KLHL6: variants seen among roughly 807,000 people sequenced by gnomAD.
The protein encoded by KLHL6 is kelch-like protein 6.
A neutral mutation model predicts 58.6 loss-of-function variants in KLHL6; 41 were observed. The ratio of observed to expected loss-of-function variants is 0.70; its 90% CI spans 0.55 to 0.91. The LOEUF (loss-of-function observed/expected upper bound fraction) is 0.91. KLHL6 is among the 40% of genes least tolerant of loss of function. KLHL6 has a pLI of 0.00. For synonymous variants in KLHL6, 338 were observed against 322.7 expected, an observed-to-expected ratio of 1.05 and a Z score of -0.51; for missense variants, 714 against 805.6, an observed-to-expected ratio of 0.89 and a Z score of 1.38.
chr3:183,535,964 T>C (rs1228714393), intron 1 of KLHL6, among the ~76,000 whole-genome samples: 1 of 152,154 alleles, frequency 6.6e-6, no homozygotes, highest in East Asian at 1.9e-4. Flanking sequence ...TTAGTAGAGA[T>C]GGGGTTTCAC....
chr3:183,506,829 AAAAT>A (rs144672351), intron 3 of KLHL6, among the ~76,000 whole-genome samples: 55,682 of 143,524 alleles, frequency 0.39, 10,954 homozygotes, highest in South Asian at 0.45. Flanking sequence ...CCTCCTCTCA[AAAAT>A]AAATAAATAA....
At chr3:183,522,674 A>G (rs1711807941) in intron 2 of KLHL6, 2 of 152,338 alleles carry the variant, frequency 1.3e-5, no homozygotes, top group South Asian at 4.1e-4. Context: ...TGAAGCAATT[A>G]TTAGTATTAG....
At chr3:183,504,248 C>T (rs1348257037) in intron 3 of KLHL6, among the ~76,000 whole-genome samples, 3 of 152,200 alleles carry the variant, frequency 2.0e-5, no homozygotes, top group African/African-American at 7.2e-5. Context: ...CCATTCATTA[C>T]TTAACTCTCA....
At position 183,527,899 on chromosome 3, in the gene KLHL6, C is replaced by G; in HGVS notation, c.405G>C (p.Ala135=). 1 of 1,614,078 alleles carries G rather than the reference C, an allele frequency of 6.2e-7. No individual in the cohort carries two copies. Among genetic ancestry groups the G allele is most frequent in the Non-Finnish European group, 8.5e-7 (1 of 1,180,012 alleles). Residue 135 remains alanine (A), a synonymous_variant, in exon 2 of 7, where the codon GCG becomes GCC. Coordinates refer to ENST00000341319, the MANE Select transcript of KLHL6 (RefSeq NM_130446.4). The part of the protein sequence containing the change: ...TLLDYTYTSK[A]LITKQNVQRV... ...GCTGGACATTCTGCTTGGTGATCAGCGCCTTGCTGGTGTACGTGTAGTCCA... is the reference window on the plus strand; with the variant it reads ...GCTGGACATTCTGCTTGGTGATCAGGGCCTTGCTGGTGTACGTGTAGTCCA...
chr3:183,505,678 T>C (rs1485836891), intron 3 of KLHL6, among the ~76,000 whole-genome samples: 1 of 149,494 alleles, frequency 6.7e-6, no homozygotes, highest in Non-Finnish European at 1.5e-5. Context: ...CAGACACAAA[T>C]TACCAATATC....
intron 1 of KLHL6, among the ~76,000 whole-genome samples, chr3:183,547,208 C>G (rs1414725459): frequency 6.6e-6 from 1 of 152,142 alleles, no homozygotes; most frequent in African/African-American, 2.4e-5. Context: ...CCACTGCACC[C>G]GACCTCAGAG....
intron 1 of KLHL6, among the ~76,000 whole-genome samples, chr3:183,530,120 G>T (rs771173305): frequency 3.9e-5 from 6 of 152,106 alleles, no homozygotes; most frequent in Non-Finnish European, 7.4e-5. Flanking sequence ...ATGGTGTTTT[G>T]TTATGGCAAC....
At chr3:183,536,001 C>G (rs1466494162) in intron 1 of KLHL6, among the ~76,000 whole-genome samples, 1 of 152,212 alleles carries the variant, frequency 6.6e-6, no homozygotes, top group Admixed American at 6.5e-5. Context: ...GTCTCGATCT[C>G]CTGACCTCAT....
rs59579259 is a variant in KLHL6, at chr3:183,531,443, G to GTTT, written c.294-3436_294-3434dup. On this transcript the variant is annotated intron_variant, in intron 1 of 6. Transcript: ENST00000341319. Reference sequence around the variant, plus strand: ...TTCTTTCTGTTCTTTTTTTGTCTGTGTTTTTTTTTTTTTTTTTTTTTTTTG... The same window carrying GTTT: ...TTCTTTCTGTTCTTTTTTTGTCTGTGTTTTTTTTTTTTTTTTTTTTTTTTTTTG... 3.4e-3 allele frequency among the ~76,000 whole-genome samples: 308 copies of GTTT among 90,262 alleles called. 3 individuals are homozygous for GTTT. Among genetic ancestry groups the GTTT allele is most frequent in the East Asian group, 6.1e-3 (17 of 2,800 alleles). 59.2% of individuals were successfully genotyped at this position (90,262 alleles called of 152,430 possible). A position where few individuals can be genotyped will look rare whatever the true frequency, so the allele number is the denominator to read the frequency against.
intron 1 of KLHL6, among the ~76,000 whole-genome samples, chr3:183,548,541 G>A (rs1712802441): frequency 6.6e-6 from 1 of 152,194 alleles, no homozygotes; most frequent in African/African-American, 2.4e-5. Context: ...GCTATGTTGA[G>A]AGGACTTTAC....
At position 183,488,353 on chromosome 3, in the gene KLHL6, G is replaced by A. The variant is rs1042355468; in HGVS notation, c.*3574C>T. The stretch of plus-strand genomic sequence containing the variant: ...TAACTTGTGCCTCTGCTCTAAGAAG[G>A]GGATTCCTTCCTTAGTTCCTTGCCT... On this transcript the variant is annotated 3_prime_UTR_variant, in exon 7 of 7. Coordinates refer to ENST00000341319, the MANE Select transcript of KLHL6 (RefSeq NM_130446.4). 6.6e-6 allele frequency: 1 copy of A among 152,246 alleles called. No individual in the cohort carries two copies. The highest frequency in any genetic ancestry group is 1.9e-4 in the East Asian group (1 of 5,198). 9.4% of individuals were successfully genotyped at this position (152,246 alleles called of 1,614,324 possible).
intron 3 of KLHL6, among the ~76,000 whole-genome samples, chr3:183,505,878 G>T (rs1224178995): frequency 1.3e-5 from 2 of 152,116 alleles, no homozygotes; most frequent in African/African-American, 2.4e-5. Context: ...CTATTAAAGA[G>T]ATATACATTA....
intron 1 of KLHL6, among the ~76,000 whole-genome samples, chr3:183,551,100 G>C (rs186932877): frequency 1.4e-5 from 2 of 145,782 alleles, no homozygotes; most frequent in Non-Finnish European, 3.0e-5. Context: ...CAGCCTGGGC[G>C]ACAGAGCAAG....
intron 2 of KLHL6, among the ~76,000 whole-genome samples, chr3:183,518,010 T>C (rs181614764): frequency 6.6e-6 from 1 of 152,232 alleles, no homozygotes; most frequent in East Asian, 1.9e-4. Flanking sequence ...CAAGTCCACT[T>C]CCAGGTTCTC....
In KLHL6 at chr3:183,523,470, C is replaced by T. The variant is rs182946601; in HGVS notation, c.459+4375G>A. On this transcript the variant is annotated intron_variant, in intron 2 of 6. Transcript: ENST00000341319. ...AGGCCCAGGCCAGATGACCAAGCTC[C>T]CACTCCAGCATCCCCCTTTTTCCTC... 6.0e-3 allele frequency among the ~76,000 whole-genome samples: 911 copies of T among 152,326 alleles called. 6 individuals carry two copies. The highest frequency in any genetic ancestry group is 0.014 in the Admixed American group (218 of 15,310).
At chr3:183,527,640 A>T (rs1013531015) in intron 2 of KLHL6, among the ~76,000 whole-genome samples, 2 of 152,124 alleles carry the variant, frequency 1.3e-5, no homozygotes, top group African/African-American at 4.8e-5. Context: ...CCCTCTGAGA[A>T]ATTTTCCAAA....
At chr3:183,508,965 C>G (rs961050339) in intron 2 of KLHL6, among the ~76,000 whole-genome samples, 4 of 152,192 alleles carry the variant, frequency 2.6e-5, no homozygotes, top group African/African-American at 9.7e-5. Context: ...TACATTTACT[C>G]AGCAATTTAC....
intron 1 of KLHL6, among the ~76,000 whole-genome samples, chr3:183,545,500 G>A (rs1397188330): frequency 1.3e-5 from 2 of 152,206 alleles, no homozygotes; most frequent in Non-Finnish European, 2.9e-5. Flanking sequence ...CTGCATGGAA[G>A]ATTATCTAAA....
At chr3:183,551,846 C>T (rs534635961) in intron 1 of KLHL6, among the ~76,000 whole-genome samples, 6 of 151,982 alleles carry the variant, frequency 3.9e-5, no homozygotes, top group Non-Finnish European at 7.4e-5. Context: ...TACTATTTAA[C>T]GCTTTGTTTA....
Sources: allele counts gnomAD v4.1 joint callset (sites outside exome capture counted in the v4.1 genomes callset), GRCh38; gene constraint gnomAD v4.1.1; transcripts MANE v1.5; gene names NCBI Gene and HGNC (gene_info 2026-07-23, HGNC 2026-07-21).